The following GFRA2 variants were observed in gnomAD, a reference collection of about 807,000 sequenced individuals.
GFRA2 encodes the protein GDNF family receptor alpha-2.
Under a neutral mutation model 48.3 loss-of-function variants are expected in GFRA2, and 17 were observed. That is an observed-to-expected ratio of 0.35 (90% confidence interval 0.24 to 0.53). The LOEUF is 0.53. Ranked by LOEUF, GFRA2 falls within the 20% of genes least tolerant of loss-of-function variation. The pLI is 0.93. For synonymous variants in GFRA2, 305 were observed against 257.2 expected, an observed-to-expected ratio of 1.19 and a Z score of -1.78; for missense variants, 660 against 637.3, an observed-to-expected ratio of 1.04 and a Z score of -0.38.
intron 1 of GFRA2, among the ~76,000 whole-genome samples, chr8:21,811,934 T>G (rs566769513): frequency 2.1e-4 from 32 of 152,316 alleles, no homozygotes; most frequent in Non-Finnish European, 4.4e-4. Context: ...TTACAATGTG[T>G]GTCTATAGTT....
chr8:21,732,055 G>A (rs2117502505), intron 4 of GFRA2, among the ~76,000 whole-genome samples: 1 of 152,348 alleles, frequency 6.6e-6, no homozygotes, highest in East Asian at 1.9e-4. Flanking sequence ...GTCGGGCCAG[G>A]CCCTGGGCCC....
rs201622945 is a variant in GFRA2 at position 21,734,847 on chromosome 8, G to T, written c.794+15741C>A. Among the ~76,000 whole-genome samples, 26 of 152,238 alleles carry T rather than the reference G, an allele frequency of 1.7e-4. No homozygotes were observed. The East Asian group carries it at 4.4e-3, about 26-fold the overall frequency. On this transcript the variant is annotated intron_variant, in intron 4 of 8. Coordinates refer to ENST00000524240, the MANE Select transcript of GFRA2 (RefSeq NM_001495.5). Reference sequence around the variant, plus strand: ...CAAGGTGTGAAAGGAAAATATCTTGGCCTCCAAAATCACTAAGCTAAAGGG... The same window carrying T: ...CAAGGTGTGAAAGGAAAATATCTTGTCCTCCAAAATCACTAAGCTAAAGGG...
intron 1 of GFRA2, among the ~76,000 whole-genome samples, chr8:21,809,242 C>T (rs929297733): frequency 6.6e-6 from 1 of 152,202 alleles, no homozygotes; most frequent in Non-Finnish European, 1.5e-5. Context: ...AGGAGAGAGC[C>T]CTTCTAAGGG....
intron 1 of GFRA2, among the ~76,000 whole-genome samples, chr8:21,809,736 G>A (rs1200641450): frequency 1.3e-5 from 2 of 152,204 alleles, no homozygotes; most frequent in African/African-American, 4.8e-5. Flanking sequence ...CTGTCTGGCT[G>A]CCAATGGCTC....
At chr8:21,720,232 T>TGAACTTC (rs1803530222) in intron 4 of GFRA2, among the ~76,000 whole-genome samples, 1 of 152,214 alleles carries the variant, frequency 6.6e-6, no homozygotes, top group South Asian at 2.1e-4. Context: ...AGGCTGAGCA[T>TGAACTTC]GAACTTCTTC....
chr8:21,790,215 G>A (rs1357102656), upstream of GFRA2: 3 of 378,726 alleles, frequency 7.9e-6, no homozygotes, highest in African/African-American at 4.4e-5. Flanking sequence ...GTCGCGCGAG[G>A]GCTCACACCC....
At chr8:21,787,416 G>A (rs1341066943) in intron 1 of GFRA2, among the ~76,000 whole-genome samples, 2 of 152,302 alleles carry the variant, frequency 1.3e-5, no homozygotes, top group African/African-American at 4.8e-5. Flanking sequence ...GCGGCCCCCA[G>A]AGGTGGAGGA....
At chr8:21,791,583 T>G (rs1287332016), upstream of GFRA2, among the ~76,000 whole-genome samples, 1 of 152,098 alleles carries the variant, frequency 6.6e-6, no homozygotes, top group Non-Finnish European at 1.5e-5. Context: ...GGAAACACAG[T>G]TGAACATGTA....
At chr8:21,751,057 G>A (rs1805269905) in intron 3 of GFRA2, 115 bp from the exon 4 acceptor site, 1 of 732,828 alleles carries the variant, frequency 1.4e-6, no homozygotes, top group Non-Finnish European at 2.3e-6. Context: ...TGCCTGCTCT[G>A]TGCCTCAGTT....
chr8:21,758,305 C>T (rs11786696), intron 3 of GFRA2, among the ~76,000 whole-genome samples: 24,021 of 152,056 alleles, frequency 0.16, 2,069 homozygotes, highest in South Asian at 0.24. Context: ...CCTAGGCACG[C>T]CCTTCAACTG....
intron 6 of GFRA2, among the ~76,000 whole-genome samples, chr8:21,704,326 C>A (rs1333788621): frequency 6.6e-6 from 1 of 152,214 alleles, no homozygotes; most frequent in Non-Finnish European, 1.5e-5. Flanking sequence ...TGTGCAGACC[C>A]CCCGCCCAGA....
rs143235195 is a variant in GFRA2 at position 21,701,123 on chromosome 8, G to A, written c.1218+1682C>T. On this transcript the variant is annotated intron_variant, in intron 7 of 8. Coordinates refer to ENST00000524240, the MANE Select transcript of GFRA2 (RefSeq NM_001495.5). Reference sequence around the variant, plus strand: ...TCATTAAAAACATTGTGCCGGGCGCGGGGGCTCACGCCTGTAATCCCAGTA... The same window carrying A: ...TCATTAAAAACATTGTGCCGGGCGCAGGGGCTCACGCCTGTAATCCCAGTA... Among the ~76,000 whole-genome samples, 148 of 152,360 alleles carry A rather than the reference G, an allele frequency of 9.7e-4. 2 individuals are homozygous for A. Among genetic ancestry groups the A allele is most frequent in the African/African-American group, 2.5e-3 (102 of 41,586 alleles).
chr8:21,736,041 C>T (rs951888043), intron 4 of GFRA2, among the ~76,000 whole-genome samples: 3 of 152,256 alleles, frequency 2.0e-5, no homozygotes, highest in Admixed American at 6.5e-5. Context: ...GCTCCCTCTC[C>T]TCCCTTCACC....
At chr8:21,782,192 G>C (rs1807025211) in intron 2 of GFRA2, among the ~76,000 whole-genome samples, 1 of 151,886 alleles carries the variant, frequency 6.6e-6, no homozygotes, top group Non-Finnish European at 1.5e-5. Context: ...CCATCTGCCT[G>C]GTCACTCTTG....
At chr8:21,782,329 C>A (rs1807035006) in intron 2 of GFRA2, among the ~76,000 whole-genome samples, 1 of 146,776 alleles carries the variant, frequency 6.8e-6, no homozygotes, top group Non-Finnish European at 1.5e-5. Flanking sequence ...TTCTCCTCCT[C>A]CCACCACCTC....
chr8:21,722,682 C>T (rs1803660605), intron 4 of GFRA2, among the ~76,000 whole-genome samples: 2 of 152,162 alleles, frequency 1.3e-5, no homozygotes, highest in South Asian at 4.1e-4. Context: ...TGGCCACACA[C>T]CCTCAGTGAA....
At chr8:21,712,292 G>A (rs550982958) in intron 4 of GFRA2, among the ~76,000 whole-genome samples, 1,711 of 151,984 alleles carry the variant, frequency 0.011, 21 homozygotes, top group African/African-American at 0.039. Context: ...TTCGCAGACA[G>A]GGCGGCCGGG....
rs758118390 is a variant in GFRA2, at chr8:21,705,046, G to A, written c.984C>T (p.Ser328=). The change falls in exon 6 of 9, where the codon AGC becomes AGT. Residue 328 remains serine (S), a synonymous_variant. Coordinates refer to ENST00000524240, the MANE Select transcript of GFRA2 (RefSeq NM_001495.5). The part of the protein sequence containing the change: ...VVSPWCSCRG[S]GNMEEECEKF... ...TCTCACACTCCTCCTCCATGTTCCC[G>A]CTGCCACGACAGCTGCACCAGGGGG... The A allele has an allele frequency of 2.5e-5, 40 of 1,610,484 alleles. No homozygotes were observed. In the East Asian group the frequency reaches 3.6e-4, roughly 14 times the overall value.
intron 4 of GFRA2, among the ~76,000 whole-genome samples, chr8:21,706,790 G>A (rs1261463633): frequency 6.6e-6 from 1 of 152,204 alleles, no homozygotes; most frequent in Non-Finnish European, 1.5e-5. Flanking sequence ...ACTGGGCCAT[G>A]AGCCACTTGA....
Sources: allele counts gnomAD v4.1 joint callset (sites outside exome capture counted in the v4.1 genomes callset), GRCh38; gene constraint gnomAD v4.1.1; transcripts MANE v1.5; gene names NCBI Gene and HGNC (gene_info 2026-07-23, HGNC 2026-07-21).